TSPEAR: variants seen among roughly 807,000 people sequenced by gnomAD.
TSPEAR encodes thrombospondin-type laminin G domain and EAR repeat-containing protein.
In TSPEAR, 69 loss-of-function variants were observed where a neutral mutation model predicts 71.6. The ratio of observed to expected loss-of-function variants is 0.96; its 90% CI spans 0.79 to 1.18. The LOEUF is 1.18. Ranked by LOEUF, TSPEAR falls within the 50% of genes most tolerant of loss-of-function variation. The probability of loss-of-function intolerance (pLI) is 0.00; values close to 1 mark genes in which losing one functional copy is unlikely to be tolerated. For synonymous variants in TSPEAR, 402 were observed against 387.2 expected, an observed-to-expected ratio of 1.04 and a Z score of -0.45; for missense variants, 971 against 894.9, an observed-to-expected ratio of 1.09 and a Z score of -1.09.
chr21:44,550,788 CAGG>C (rs782818433), intron 2 of TSPEAR: 3 of 1,614,176 alleles, frequency 1.9e-6, no homozygotes, highest in African/African-American at 1.3e-5. Flanking sequence ...GGGTCTGCAG[CAGG>C]AGGAGGTGCA....
At chr21:44,655,687 C>G (rs73233078) in intron 1 of TSPEAR, among the ~76,000 whole-genome samples, 2 of 148,806 alleles carry the variant, frequency 1.3e-5, no homozygotes, top group Non-Finnish European at 3.0e-5. Context: ...TGGGAAGCAG[C>G]GGGCAGGAGT....
intron 1 of TSPEAR, among the ~76,000 whole-genome samples, chr21:44,673,644 CA>C (rs1221381080): frequency 6.6e-6 from 1 of 152,176 alleles, no homozygotes; most frequent in African/African-American, 2.4e-5. Flanking sequence ...TTTCATCTAA[CA>C]GCTGCAGAAT....
chr21:44,503,340 G>A lies in TSPEAR; in HGVS notation c.1856+1440C>T, dbSNP rs587667802. 2.3e-3 allele frequency among the ~76,000 whole-genome samples: 328 copies of A among 144,488 alleles called. 1 individual carries two copies. The highest frequency in any genetic ancestry group is 4.0e-3 in the Admixed American group (58 of 14,602). 94.8% of individuals were successfully genotyped at this position (144,488 alleles called of 152,430 possible). On this transcript the variant is annotated intron_variant, in intron 11 of 11. Coordinates refer to ENST00000323084, the MANE Select transcript of TSPEAR (RefSeq NM_144991.3). ...GAGGCCGGCCTTGGTGAGCCCTCGG[G>A]GGGAAGCAAGGCTCTGGGAGGAAGC...
intron 1 of TSPEAR, among the ~76,000 whole-genome samples, chr21:44,647,848 A>G (rs1402712213): frequency 6.6e-6 from 1 of 152,242 alleles, no homozygotes; most frequent in African/African-American, 2.4e-5. Context: ...CCCTGCCCAC[A>G]GGGGATGAGC....
chr21:44,670,680 C>G (rs1341392178), intron 1 of TSPEAR, among the ~76,000 whole-genome samples: 1 of 152,212 alleles, frequency 6.6e-6, no homozygotes, highest in Non-Finnish European at 1.5e-5. Context: ...TGCCAGGATG[C>G]CACATAATGG....
At chr21:44,600,846 C>A (rs373720761) in intron 1 of TSPEAR, 5 of 1,609,218 alleles carry the variant, frequency 3.1e-6, no homozygotes, top group Middle Eastern at 1.9e-4. Context: ...GTGAGCCCAG[C>A]CCCTGCCAAT....
chr21:44,610,614 C>A (rs1426439049), intron 1 of TSPEAR, among the ~76,000 whole-genome samples: 1 of 152,194 alleles, frequency 6.6e-6, no homozygotes, highest in African/African-American at 2.4e-5. Flanking sequence ...GCCAGGGCCC[C>A]CACACAGAGT....
chr21:44,629,367 G>C (rs1215255715), intron 1 of TSPEAR, among the ~76,000 whole-genome samples: 1 of 152,178 alleles, frequency 6.6e-6, no homozygotes. Flanking sequence ...GGCAGGGCTG[G>C]TTCCCGAAGA....
rs1356484439 is a variant in TSPEAR at position 44,593,523 on chromosome 21, A to G, written c.83-25518T>C. 1.9e-4 allele frequency among the ~76,000 whole-genome samples: 29 copies of G among 152,170 alleles called. No individual in the cohort carries two copies. The highest frequency in any genetic ancestry group is 1.9e-3 in the Admixed American group (29 of 15,286). ...CCCCTCAACTGACTAAATGGATCCC[A>G]TCTTGCCCACGGGGACCCCCGAAAA... is the stretch of plus-strand genomic sequence containing the variant. On this transcript the variant is annotated intron_variant, in intron 1 of 11. Transcript: ENST00000323084. The surrounding 1 kb of genome is among the most constrained non-coding windows in gnomAD (Gnocchi z 5.9).
intron 10 of TSPEAR, among the ~76,000 whole-genome samples, chr21:44,507,679 G>C (rs1403367138): frequency 6.6e-6 from 1 of 152,222 alleles, no homozygotes; most frequent in Non-Finnish European, 1.5e-5. Flanking sequence ...TCTGTTTCTA[G>C]ACTGGGCATC....
rs149459096 is a variant in TSPEAR at position 44,550,557 on chromosome 21, AC to A, written c.304-16635del. 2.0e-3 allele frequency: 2,686 copies of A among 1,342,426 alleles called. 35 individuals carry two copies. In the African/African-American group the frequency reaches 0.036, roughly 18 times the overall value. 83.2% of individuals were successfully genotyped at this position (1,342,426 alleles called of 1,614,324 possible). On this transcript the variant is annotated intron_variant, in intron 2 of 11. Transcript: ENST00000323084. ...AGAGAGGAGCCAGTGAGCATCTGAGACCCCGGGGCTGGGCGGCTGTGGCTGG... is the reference window on the plus strand; with the variant it reads ...AGAGAGGAGCCAGTGAGCATCTGAGACCCGGGGCTGGGCGGCTGTGGCTGG...
intron 1 of TSPEAR, among the ~76,000 whole-genome samples, chr21:44,619,135 C>A (rs1982289878): frequency 6.6e-6 from 1 of 151,430 alleles, no homozygotes; most frequent in Admixed American, 6.6e-5. Flanking sequence ...GGCAGAGTCA[C>A]AAACTCCCCA....
chr21:44,529,689 G>C, intron 5 of TSPEAR, 109 bp downstream of exon 5: 3 of 1,254,176 alleles, frequency 2.4e-6, no homozygotes, highest in Admixed American at 3.7e-5. Context: ...TGATGAGGGG[G>C]GCAGGCACAC....
Position 44,530,912 on chromosome 21 carries a change from C to CCACGCACGCTGTACCTT in TSPEAR, c.633+114_633+130dup, listed in dbSNP as rs1555915666. 34 of 758,126 alleles carry CCACGCACGCTGTACCTT rather than the reference C, an allele frequency of 4.5e-5. 1 individual carries two copies. The South Asian group carries it at 5.0e-4, about 11-fold the overall frequency. 47.0% of individuals were successfully genotyped at this position (758,126 alleles called of 1,614,324 possible). A position where few individuals can be genotyped will look rare whatever the true frequency, so the allele number is the denominator to read the frequency against. On this transcript the variant is annotated intron_variant, in intron 4 of 11. Coordinates refer to ENST00000323084, the MANE Select transcript of TSPEAR (RefSeq NM_144991.3). ...GCGTGAAGGCCCTGTGGTAGAGACT[C>CCACGCACGCTGTACCTT]CACGCACGCTGTACCTTCTTTTCCC...
At chr21:44,553,815 T>A (rs2053484371) in intron 2 of TSPEAR, among the ~76,000 whole-genome samples, 1 of 152,218 alleles carries the variant, frequency 6.6e-6, no homozygotes, top group African/African-American at 2.4e-5. Flanking sequence ...GGAAATGAAC[T>A]GCCTCAGGCT....
intron 1 of TSPEAR, among the ~76,000 whole-genome samples, chr21:44,685,161 C>T (rs1245460988): frequency 1.3e-5 from 2 of 152,160 alleles, no homozygotes; most frequent in African/African-American, 4.8e-5. Context: ...TGGCAGGAAT[C>T]ACCCATATCC....
intron 2 of TSPEAR, among the ~76,000 whole-genome samples, chr21:44,556,731 A>G (rs2053537299): frequency 6.6e-6 from 1 of 152,288 alleles, no homozygotes; most frequent in Admixed American, 6.5e-5. Context: ...CAGTTCTGGA[A>G]ACCTGTTGAT....
chr21:44,510,317 C>T (rs1018160321), intron 9 of TSPEAR, among the ~76,000 whole-genome samples: 1 of 152,232 alleles, frequency 6.6e-6, no homozygotes, highest in Non-Finnish European at 1.5e-5. Flanking sequence ...TGCTGCGGGG[C>T]TGTGTCTCTT....
At chr21:44,707,210 C>T (rs1204273515) in intron 1 of TSPEAR, among the ~76,000 whole-genome samples, 1 of 151,960 alleles carries the variant, frequency 6.6e-6, no homozygotes, top group Non-Finnish European at 1.5e-5. Flanking sequence ...GAGGACCGCA[C>T]CTGCCCTCCC....
Sources: gnomAD v4.1 joint callset for allele counts (sites outside exome capture counted in the v4.1 genomes callset) on GRCh38, gnomAD v4.1.1 for gene constraint, Gnocchi (gnomAD v3.1) non-coding constraint, MANE v1.5 for transcripts, NCBI Gene and HGNC (gene_info 2026-07-23, HGNC 2026-07-21) for gene names.